Variants in MARCHF3 observed in about 807,000 individuals in gnomAD.
MARCHF3 encodes E3 ubiquitin-protein ligase MARCHF3.
In MARCHF3, 13 loss-of-function variants were observed where a neutral mutation model predicts 24.2. The ratio of observed to expected loss-of-function variants is 0.54; its 90% CI spans 0.35 to 0.85. The LOEUF (loss-of-function observed/expected upper bound fraction) is 0.85. Ranked by LOEUF, MARCHF3 falls within the 40% of genes least tolerant of loss-of-function variation. The probability of loss-of-function intolerance (pLI) is 0.01; values close to 1 mark genes in which losing one functional copy is unlikely to be tolerated. For missense variants in MARCHF3, 276 were observed against 325.0 expected, an observed-to-expected ratio of 0.85 and a Z score of 1.16; for synonymous variants, 144 against 137.3, an observed-to-expected ratio of 1.05 and a Z score of -0.34.
rs116507214 is a variant in MARCHF3, at chr5:126,933,222, C to T, written c.-56-14995G>A. Among the ~76,000 whole-genome samples the T allele has an allele frequency of 9.9e-3, 1,508 of 152,266 alleles. 19 individuals are homozygous for T. The highest frequency in any genetic ancestry group is 0.035 in the African/African-American group (1,441 of 41,552). ...GTATCATGATTTTTATTAAGTTCTA[C>T]TTTCAAGGTTACATAAAATATGCAT... On this transcript the variant is annotated intron_variant, in intron 1 of 4. Coordinates refer to ENST00000308660, the MANE Select transcript of MARCHF3 (RefSeq NM_178450.5).
At chr5:126,875,154 C>T (rs940407179) in intron 4 of MARCHF3, among the ~76,000 whole-genome samples, 12 of 152,132 alleles carry the variant, frequency 7.9e-5, no homozygotes. Context: ...TGTCTGTCTA[C>T]GGGTTTCAAA....
chr5:126,888,893 T>C (rs999613805), intron 3 of MARCHF3, among the ~76,000 whole-genome samples: 1 of 152,138 alleles, frequency 6.6e-6, no homozygotes, highest in Non-Finnish European at 1.5e-5. Context: ...GCCTCCTGAG[T>C]ATCTGAGATT....
At chr5:127,008,176 C>G (rs994709724) in intron 1 of MARCHF3, among the ~76,000 whole-genome samples, 3 of 152,192 alleles carry the variant, frequency 2.0e-5, no homozygotes, top group African/African-American at 7.2e-5. Flanking sequence ...GTTTATCTTG[C>G]AAACTCCACT....
At chr5:126,905,483 T>C (rs1182754983) in intron 3 of MARCHF3, among the ~76,000 whole-genome samples, 1 of 150,524 alleles carries the variant, frequency 6.6e-6, no homozygotes, top group Admixed American at 6.6e-5. Flanking sequence ...TATCCTCTTT[T>C]ATTTCCTTGA....
At chr5:126,878,121 C>CT (rs1171966152) in intron 4 of MARCHF3, 64 bp downstream of exon 4, 2 of 1,522,740 alleles carry the variant, frequency 1.3e-6, no homozygotes, top group Non-Finnish European at 1.8e-6. Flanking sequence ...AGAGGAAAGG[C>CT]TTGTGCCAGC....
chr5:126,925,270 G>A (rs1208687072), intron 1 of MARCHF3, among the ~76,000 whole-genome samples: 5 of 152,052 alleles, frequency 3.3e-5, no homozygotes, highest in African/African-American at 1.2e-4. Context: ...TTGGATCCGG[G>A]GAGAGTTACC....
intron 3 of MARCHF3, among the ~76,000 whole-genome samples, chr5:126,893,628 A>G (rs1753771127): frequency 6.7e-6 from 1 of 149,642 alleles, no homozygotes; most frequent in South Asian, 2.1e-4. Flanking sequence ...CCTGAGTTCT[A>G]GTTTGATTGC....
At chr5:127,029,536 C>T (rs3828668) in intron 1 of MARCHF3, among the ~76,000 whole-genome samples, 19,568 of 152,240 alleles carry the variant, frequency 0.13, 1,761 homozygotes, top group East Asian at 0.31. Context: ...GACCGAGTCA[C>T]AAACGGAGTG....
intron 3 of MARCHF3, among the ~76,000 whole-genome samples, chr5:126,887,307 C>A (rs1328531887): frequency 6.6e-6 from 1 of 152,190 alleles, no homozygotes; most frequent in African/African-American, 2.4e-5. Flanking sequence ...TAGAACATTC[C>A]ATTGAGCGAT....
At chr5:126,899,932 G>A (rs73783483) in intron 3 of MARCHF3, among the ~76,000 whole-genome samples, 1 of 151,954 alleles carries the variant, frequency 6.6e-6, no homozygotes, top group Admixed American at 6.6e-5. Flanking sequence ...CATCACCAAA[G>A]CTCATGCCTT....
intron 3 of MARCHF3, among the ~76,000 whole-genome samples, chr5:126,882,303 C>T (rs1407183347): frequency 6.6e-6 from 1 of 152,172 alleles, no homozygotes; most frequent in Non-Finnish European, 1.5e-5. Flanking sequence ...TTATTGGGTA[C>T]ATCTGGTAAC....
At chr5:127,008,880 AATTT>A (rs11270456) in intron 1 of MARCHF3, among the ~76,000 whole-genome samples, 30,009 of 147,346 alleles carry the variant, frequency 0.2, 3,201 homozygotes, top group Non-Finnish European at 0.22. Flanking sequence ...CTCTTTAAAA[AATTT>A]ATTTATTTAT....
rs1241808195 is a variant in MARCHF3, at chr5:126,934,949, C to T, written c.-56-16722G>A. Among the ~76,000 whole-genome samples, 10 of 152,118 alleles carry T rather than the reference C, an allele frequency of 6.6e-5. No individual in the cohort carries two copies. In the East Asian group the frequency reaches 1.9e-3, roughly 29 times the overall value. On this transcript the variant is annotated intron_variant, in intron 1 of 4. Coordinates refer to ENST00000308660, the MANE Select transcript of MARCHF3 (RefSeq NM_178450.5). ...CCCACCGATTTGAAACTCATGTACA[C>T]ATTTTCCCACTGGGAATAAAATGTC...
At chr5:126,935,382 T>G (rs559389979) in intron 1 of MARCHF3, among the ~76,000 whole-genome samples, 1 of 152,182 alleles carries the variant, frequency 6.6e-6, no homozygotes, top group African/African-American at 2.4e-5. Context: ...AGCTGGGACA[T>G]CAGTTTTTCC....
chr5:126,932,263 C>G (rs570891666), intron 1 of MARCHF3, among the ~76,000 whole-genome samples: 1 of 152,364 alleles, frequency 6.6e-6, no homozygotes, highest in South Asian at 2.1e-4. Flanking sequence ...GCTTTTGCCA[C>G]CAGTTACTAA....
chr5:126,875,010 G>T lies in MARCHF3; in HGVS notation c.603+3175C>A, dbSNP rs114803433. ...GCTGGACACTGGTTGCATCAGTGAT[G>T]CAGTGAGTGGAAAGACTTCCTGTAC... On this transcript the variant is annotated intron_variant, in intron 4 of 4. Coordinates refer to ENST00000308660, the MANE Select transcript of MARCHF3 (RefSeq NM_178450.5). Among the ~76,000 whole-genome samples the T allele has an allele frequency of 9.8e-3, 1,487 of 152,282 alleles. 29 individuals are homozygous for T. Among genetic ancestry groups the T allele is most frequent in the African/African-American group, 0.034 (1,431 of 41,558 alleles).
intron 1 of MARCHF3, among the ~76,000 whole-genome samples, chr5:126,940,861 T>G (rs1459939215): frequency 1.3e-5 from 2 of 152,170 alleles, no homozygotes; most frequent in Non-Finnish European, 2.9e-5. Context: ...TGAGATGTTT[T>G]GAAACAAGCA....
chr5:126,897,056 T>TTTTTTTTTTTTTTTTTTTGTTG (rs70997319), intron 3 of MARCHF3, among the ~76,000 whole-genome samples: 1 of 148,946 alleles, frequency 6.7e-6, no homozygotes, highest in Non-Finnish European at 1.5e-5. Flanking sequence ...TTTTTTTTTT[T>TTTTTTTTTTTTTTTTTTTGTTG]GAGATGGAGT....
intron 3 of MARCHF3, among the ~76,000 whole-genome samples, chr5:126,882,603 A>G (rs1753380386): frequency 6.6e-6 from 1 of 152,124 alleles, no homozygotes; most frequent in Non-Finnish European, 1.5e-5. Context: ...TAGTATCCTC[A>G]TCTCCTAAGC....
Sources: allele counts gnomAD v4.1 joint callset (sites outside exome capture counted in the v4.1 genomes callset), GRCh38; gene constraint gnomAD v4.1.1; transcripts MANE v1.5; gene names NCBI Gene and HGNC (gene_info 2026-07-23, HGNC 2026-07-21).